The following SNAP23 variants were observed in gnomAD, a reference collection of about 807,000 sequenced individuals.
SNAP23 encodes the protein synaptosome associated protein 23.
Under a neutral mutation model 29.0 loss-of-function variants are expected in SNAP23, and 11 were observed. The ratio of observed to expected loss-of-function variants is 0.38; its 90% CI spans 0.24 to 0.63. The LOEUF (loss-of-function observed/expected upper bound fraction) is 0.63, where lower values mean the gene tolerates loss of function less well. Among genes scored for constraint, SNAP23 ranks in the 20% least tolerant of loss-of-function variants. The probability of loss-of-function intolerance (pLI) is 0.58; values close to 1 mark genes in which losing one functional copy is unlikely to be tolerated. For missense variants in SNAP23, 220 were observed against 253.9 expected (o/e 0.87, Z 0.91); for synonymous variants, 60 against 82.9 (o/e 0.72, Z 1.50).
intron 3 of SNAP23, 82 bp from the exon 4 acceptor site, chr15:42,513,317 T>C: frequency 8.0e-7 from 1 of 1,253,938 alleles, no homozygotes; most frequent in Non-Finnish European, 1.2e-6. Flanking sequence ...TTCTAAATTA[T>C]TCTGTGTTGC....
chr15:42,499,923 C>G (rs566884418), intron 1 of SNAP23, among the ~76,000 whole-genome samples: 1 of 152,086 alleles, frequency 6.6e-6, no homozygotes, highest in East Asian at 1.9e-4. Context: ...GCAGGAGGAT[C>G]GCTTGAGCCC....
In SNAP23 at chr15:42,531,759, G is replaced by A. The variant is rs1369589027; in HGVS notation, c.*281G>A. 2.8e-5 allele frequency: 7 copies of A among 250,612 alleles called. No individual in the cohort carries two copies. The highest frequency in any genetic ancestry group is 7.2e-5 in the East Asian group (1 of 13,810). 15.5% of individuals were successfully genotyped at this position (250,612 alleles called of 1,614,324 possible). On this transcript the variant is annotated 3_prime_UTR_variant, in exon 8 of 8. Coordinates refer to ENST00000249647, the MANE Select transcript of SNAP23 (RefSeq NM_003825.4). ...TCATCCTCCTCATATACTTCAGCAG[G>A]TTCTTTTGCTTTCAAGATTTGGAAG...
upstream of SNAP23, among the ~76,000 whole-genome samples, chr15:42,494,483 G>A (rs186926605): frequency 4.6e-3 from 664 of 143,874 alleles, 6 homozygotes; most frequent in Non-Finnish European, 6.7e-3. Flanking sequence ...ACAGACACCC[G>A]CCACCACACC....
chr15:42,513,024 G>A, intron 3 of SNAP23, 28 bp downstream of exon 3: 1 of 1,545,440 alleles, frequency 6.5e-7, no homozygotes, highest in Non-Finnish European at 8.9e-7. Context: ...ATCAACTTAA[G>A]TATAGAAATT....
At chr15:42,511,768 C>A in intron 1 of SNAP23, 65 bp from the exon 2 acceptor site, 3 of 938,894 alleles carry the variant, frequency 3.2e-6, no homozygotes, top group South Asian at 2.0e-5. Flanking sequence ...ACTTTTTGCT[C>A]ACACAAACTT....
chr15:42,501,030 C>T (rs957437310), intron 1 of SNAP23, among the ~76,000 whole-genome samples: 71 of 152,202 alleles, frequency 4.7e-4, no homozygotes, highest in African/African-American at 1.5e-3. Flanking sequence ...AAATTACTTT[C>T]GATGGCCTTT....
rs1196594326 is a variant in SNAP23, at chr15:42,532,296, A to C, written c.*818A>C. 6.6e-6 allele frequency: 1 copy of C among 151,908 alleles called. No homozygotes were observed. Among genetic ancestry groups the C allele is most frequent in the South Asian group, 2.1e-4 (1 of 4,812 alleles). The allele number at this position is 151,908 out of a possible 1,614,324, so 9.4% of individuals were successfully genotyped here. The stretch of plus-strand genomic sequence containing the variant: ...AGTAGAGACAGGGTTTCACCATGTC[A>C]AGCTGGTCTTGGACTCCTGACGTCG... On this transcript the variant is annotated 3_prime_UTR_variant, in exon 8 of 8. Coordinates refer to ENST00000249647, the MANE Select transcript of SNAP23 (RefSeq NM_003825.4).
intron 5 of SNAP23, among the ~76,000 whole-genome samples, chr15:42,523,620 G>C (rs547422593): frequency 7.2e-5 from 11 of 152,184 alleles, no homozygotes; most frequent in Non-Finnish European, 1.3e-4. Context: ...TTTTATGTCT[G>C]TTATCAACAG....
chr15:42,529,660 G>A lies in SNAP23; in HGVS notation c.426-15G>A, dbSNP rs749975482. 4.3e-6 allele frequency: 7 copies of A among 1,610,506 alleles called. No homozygotes were observed. Among genetic ancestry groups the A allele is most frequent in the African/African-American group, 2.7e-5 (2 of 74,812 alleles). ...TTCAACAAAACCTATGGAATTAACT[G>A]TCTTCTTGTGATAGCATAACTAATG... On this transcript the variant is annotated splice_polypyrimidine_tract_variant and intron_variant, in intron 6 of 7. Coordinates refer to ENST00000249647, the MANE Select transcript of SNAP23 (RefSeq NM_003825.4).
In SNAP23 at chr15:42,510,205, GACTT is replaced by G. The variant is rs1257616779; in HGVS notation, c.-14-1623_-14-1620del. The stretch of plus-strand genomic sequence containing the variant: ...GGCTGGAGTGCAGTGCCATGATCTT[GACTT>G]ACTTCAGCCTCAACCTCCTGGACTC... On this transcript the variant is annotated intron_variant, in intron 1 of 7. Coordinates refer to ENST00000249647, the MANE Select transcript of SNAP23 (RefSeq NM_003825.4). 7.3e-4 allele frequency among the ~76,000 whole-genome samples: 111 copies of G among 152,098 alleles called. 2 individuals are homozygous for G. Among genetic ancestry groups the G allele is most frequent in the South Asian group, 1.0e-3 (5 of 4,834 alleles).
At chr15:42,494,510 C>CT (rs71108164), upstream of SNAP23, among the ~76,000 whole-genome samples, 103 of 122,410 alleles carry the variant, frequency 8.4e-4, no homozygotes, top group East Asian at 3.0e-3. Context: ...TTTTTTCTTT[C>CT]TTTTTTTTTT....
intron 5 of SNAP23, among the ~76,000 whole-genome samples, chr15:42,526,541 C>A (rs559016629): frequency 2.2e-4 from 33 of 152,224 alleles, no homozygotes; most frequent in African/African-American, 7.5e-4. Context: ...GAAAATGAAT[C>A]CTCACATGCC....
intron 1 of SNAP23, among the ~76,000 whole-genome samples, chr15:42,510,298 G>T (rs1482294629): frequency 6.6e-6 from 1 of 151,878 alleles, no homozygotes; most frequent in Non-Finnish European, 1.5e-5. Flanking sequence ...ACCATGCCTG[G>T]CTAATTTTTG....
intron 4 of SNAP23, among the ~76,000 whole-genome samples, chr15:42,514,003 C>T (rs996856571): frequency 4.0e-5 from 6 of 151,404 alleles, no homozygotes; most frequent in Non-Finnish European, 8.8e-5. Flanking sequence ...TTAGTAGAGA[C>T]GGGGTTTTAC....
At chr15:42,501,566 A>AT (rs1001771569) in intron 1 of SNAP23, among the ~76,000 whole-genome samples, 88 of 148,854 alleles carry the variant, frequency 5.9e-4, no homozygotes, top group African/African-American at 7.6e-4. Flanking sequence ...GGCCTGGCTG[A>AT]TTTTTTTTTT....
At chr15:42,511,225 C>T (rs2057356063) in intron 1 of SNAP23, among the ~76,000 whole-genome samples, 1 of 152,126 alleles carries the variant, frequency 6.6e-6, no homozygotes, top group Non-Finnish European at 1.5e-5. Context: ...TCCAGTAAAA[C>T]AACAAAACAA....
At chr15:42,516,461 G>C (rs886328169) in intron 5 of SNAP23, among the ~76,000 whole-genome samples, 11 of 152,130 alleles carry the variant, frequency 7.2e-5, no homozygotes, top group African/African-American at 2.7e-4. Context: ...CTCCCGAGTA[G>C]CTGGGACTAC....
chr15:42,502,006 C>T (rs893379656), intron 1 of SNAP23, among the ~76,000 whole-genome samples: 2 of 150,076 alleles, frequency 1.3e-5, no homozygotes, highest in African/African-American at 2.4e-5. Context: ...TTTCCAGGGA[C>T]GTGAGTGCTT....
At chr15:42,531,375 A>C in intron 7 of SNAP23, 38 bp from the exon 8 acceptor site, 2 of 1,405,118 alleles carry the variant, frequency 1.4e-6, no homozygotes, top group Non-Finnish European at 1.9e-6. Flanking sequence ...TATTAGAGTT[A>C]CTTACCTTGT....
Sources: gnomAD v4.1 joint callset for allele counts (sites outside exome capture counted in the v4.1 genomes callset) on GRCh38, gnomAD v4.1.1 for gene constraint, MANE v1.5 for transcripts, NCBI Gene and HGNC (gene_info 2026-07-23, HGNC 2026-07-21) for gene names.